Variants in ZNF653 observed in about 807,000 individuals in gnomAD.
ZNF653 encodes the protein zinc finger protein 653, also known as 67 kDa zinc finger protein.
In ZNF653, 37 loss-of-function variants were observed where a neutral mutation model predicts 59.9. That is an observed-to-expected ratio of 0.62 (90% CI 0.48 to 0.81). ZNF653 has a LOEUF of 0.81. Ranked by LOEUF, ZNF653 falls within the 40% of genes least tolerant of loss-of-function variation. The pLI, the probability that ZNF653 is intolerant of heterozygous loss-of-function variation, is 0.00. For missense variants in ZNF653, 808 were observed against 881.1 expected (o/e 0.92, Z 1.05); for synonymous variants, 435 against 371.8 (o/e 1.17, Z -1.96).
rs1468265979 is a variant in ZNF653, at chr19:11,486,823, G to A, written c.1401C>T (p.Phe467=). ...VMDADGLLEM[F]HCPYEGCSQV... is the part of the protein sequence containing the mutation. ...GGCTGCAGCCCTCGTATGGGCAGTG[G>A]AACATCTCGAGCAGGCCGTCAGCAT... Residue 467 remains phenylalanine, a synonymous_variant, in exon 6 of 9, where the codon TTC becomes TTT. Coordinates refer to ENST00000293771, the MANE Select transcript of ZNF653 (RefSeq NM_138783.4). 2 of 1,612,220 alleles carry A rather than the reference G, an allele frequency of 1.2e-6. No homozygotes were observed. The highest frequency in any genetic ancestry group is 1.1e-5 in the South Asian group (1 of 90,742).
intron 3 of ZNF653, among the ~76,000 whole-genome samples, chr19:11,492,077 T>C (rs1011999686): frequency 1.3e-5 from 2 of 152,004 alleles, no homozygotes; most frequent in African/African-American, 4.8e-5. Context: ...AGATGGAGTT[T>C]TGCTCGTTAC....
intron 3 of ZNF653, among the ~76,000 whole-genome samples, chr19:11,490,116 T>C (rs1328971022): frequency 6.6e-6 from 1 of 152,226 alleles, no homozygotes; most frequent in Non-Finnish European, 1.5e-5. Context: ...CAATGGGCTC[T>C]AAATGGGGGG....
chr19:11,487,575 C>A lies in ZNF653; in HGVS notation c.888G>T (p.Val296=), dbSNP rs569042530. The part of the protein sequence containing the change: ...GAGPSALFEN[V]PQEALGEVVA... ...CCACCTCACCCAGGGCCTCCTGGGGCACGTTCTCAAAGAGGGCGCTGGGGC... is the reference window on the plus strand; with the variant it reads ...CCACCTCACCCAGGGCCTCCTGGGGAACGTTCTCAAAGAGGGCGCTGGGGC... The change falls in exon 4 of 9, where the codon GTG becomes GTT. Residue 296 remains valine (V), a synonymous_variant. Coordinates refer to ENST00000293771, the MANE Select transcript of ZNF653 (RefSeq NM_138783.4). The surrounding 1 kb of genome is among the most constrained non-coding windows in gnomAD (Gnocchi z 5.1). The A allele has an allele frequency of 6.2e-7, 1 of 1,613,960 alleles. No homozygotes were observed. Among genetic ancestry groups the A allele is most frequent in the African/African-American group, 1.3e-5 (1 of 75,074 alleles).
chr19:11,501,879 C>A (rs1971648811), intron 1 of ZNF653, among the ~76,000 whole-genome samples: 1 of 152,152 alleles, frequency 6.6e-6, no homozygotes. Flanking sequence ...ACTGCAAACT[C>A]TGCCTCCTGG....
chr19:11,485,309 T>G (rs145789531), intron 7 of ZNF653, among the ~76,000 whole-genome samples: 1 of 152,100 alleles, frequency 6.6e-6, no homozygotes, highest in African/African-American at 2.4e-5. Context: ...TGGTCTAGCC[T>G]GTGGCCCCAG....
intron 1 of ZNF653, among the ~76,000 whole-genome samples, chr19:11,501,828 T>A (rs1019950235): frequency 4.6e-5 from 7 of 152,110 alleles, no homozygotes; most frequent in African/African-American, 1.7e-4. Context: ...AGAGCCTCGC[T>A]CTGTTGCCCA....
intron 3 of ZNF653, among the ~76,000 whole-genome samples, chr19:11,491,023 A>G (rs1230445416): frequency 6.6e-6 from 1 of 152,108 alleles, no homozygotes; most frequent in African/African-American, 2.4e-5. Flanking sequence ...CATCCAAAAT[A>G]CATCCACCCG....
At chr19:11,494,963 C>T (rs1307241176) in intron 3 of ZNF653, among the ~76,000 whole-genome samples, 1 of 152,176 alleles carries the variant, frequency 6.6e-6, no homozygotes, top group Non-Finnish European at 1.5e-5. Context: ...ATGGGGCAGC[C>T]GAGAGGCCAC....
At chr19:11,494,029 T>A (rs1008989886) in intron 3 of ZNF653, among the ~76,000 whole-genome samples, 2 of 142,334 alleles carry the variant, frequency 1.4e-5, no homozygotes, top group African/African-American at 5.3e-5. Context: ...AAAAAATAAA[T>A]AAAAATAAAA....
At chr19:11,498,456 C>CCT in intron 1 of ZNF653, 117 bp from the exon 2 acceptor site, 4 of 1,397,988 alleles carry the variant, frequency 2.9e-6, no homozygotes, top group Non-Finnish European at 3.0e-6. Context: ...TAAATCTGAA[C>CCT]TTTTTGAGAT....
chr19:11,484,432 G>A (rs1024733992), intron 7 of ZNF653, among the ~76,000 whole-genome samples: 7 of 151,946 alleles, frequency 4.6e-5, no homozygotes, highest in African/African-American at 1.2e-4. Context: ...ACGGAGTTTC[G>A]CTCTTGTTGC....
In ZNF653 at chr19:11,487,232, C is replaced by T. The variant is rs894602475; in HGVS notation, c.1171+60G>A. On this transcript the variant is annotated intron_variant, in intron 4 of 8. Transcript: ENST00000293771. This position sits in a 1 kb window ranked among gnomAD's most constrained non-coding sequence, Gnocchi z 5.1. ...GGTGCCCACTTCGAGGGCCATTCCT[C>T]GCCCGGCCCCTCCCAGGCCCAACCA... 6.3e-5 allele frequency: 101 copies of T among 1,598,062 alleles called. No homozygotes were observed. Among genetic ancestry groups the T allele is most frequent in the East Asian group, 8.9e-5 (4 of 44,722 alleles).
intron 8 of ZNF653, 51 bp downstream of exon 8, chr19:11,483,991 G>A (rs1488535980): frequency 6.5e-7 from 1 of 1,539,860 alleles, no homozygotes; most frequent in South Asian, 1.2e-5. Flanking sequence ...GGACCTGCTG[G>A]GATCCCCTCC....
rs73512759 is a variant in ZNF653, at chr19:11,484,499, G to A, written c.1571-358C>T. On this transcript the variant is annotated intron_variant, in intron 7 of 8. Coordinates refer to ENST00000293771, the MANE Select transcript of ZNF653 (RefSeq NM_138783.4). ...TTACCGCAACCACAACCTTGGTCTC[G>A]CGGGTTCAAGCGATTCTTCTGCCTC... Among the ~76,000 whole-genome samples, 10 of 152,034 alleles carry A rather than the reference G, an allele frequency of 6.6e-5. 1 individual carries two copies. Among genetic ancestry groups the A allele is most frequent in the South Asian group, 4.1e-4 (2 of 4,826 alleles).
chr19:11,498,348 G>C lies in ZNF653; in HGVS notation c.300-9C>G. ...CCTGCTCCCAAGGCTTCCTGCAACA[G>C]AAAGAGGCAGAGAGGGTGAACGGGG... On this transcript the variant is annotated splice_polypyrimidine_tract_variant and intron_variant, in intron 1 of 8. Coordinates refer to ENST00000293771, the MANE Select transcript of ZNF653 (RefSeq NM_138783.4). 1 of 1,614,060 alleles carries C rather than the reference G, an allele frequency of 6.2e-7. No homozygotes were observed. The highest frequency in any genetic ancestry group is 1.1e-5 in the South Asian group (1 of 91,080).
intron 6 of ZNF653, among the ~76,000 whole-genome samples, chr19:11,486,274 G>GATA (rs1230389637): frequency 6.6e-6 from 1 of 152,142 alleles, no homozygotes; most frequent in Non-Finnish European, 1.5e-5. Flanking sequence ...CAGCTTTATT[G>GATA]AACACCTACT....
Position 11,487,027 on chromosome 19 carries a change from TGTC to T in ZNF653, c.1300_1302del (p.Asp434del). 1 of 1,614,124 alleles carries T rather than the reference TGTC, an allele frequency of 6.2e-7. No homozygotes were observed. The highest frequency in any genetic ancestry group is 8.5e-7 in the Non-Finnish European group (1 of 1,179,982). ...GGGATTTCATAGATGATGGCTGACA[TGTC>T]GCTGCCGTCCAGCTCCTCCCCGTCC... On this transcript the variant is annotated inframe_deletion, in exon 5 of 9. Coordinates refer to ENST00000293771, the MANE Select transcript of ZNF653 (RefSeq NM_138783.4). The surrounding 1 kb of genome is among the most constrained non-coding windows in gnomAD (Gnocchi z 5.1).
intron 7 of ZNF653, among the ~76,000 whole-genome samples, chr19:11,484,380 G>C (rs1364310971): frequency 6.6e-6 from 1 of 151,976 alleles, no homozygotes; most frequent in African/African-American, 2.4e-5. Context: ...AGCCAACATG[G>C]GTCTGAATTT....
Position 11,487,844 on chromosome 19 carries a change from A to T in ZNF653, c.619T>A (p.Ser207Thr). 6.2e-7 allele frequency: 1 copy of T among 1,610,610 alleles called. No individual in the cohort carries two copies. Among genetic ancestry groups the T allele is most frequent in the Non-Finnish European group, 8.5e-7 (1 of 1,178,332 alleles). The change falls in exon 4 of 9, where the codon TCT becomes ACT. Residue 207 changes from serine (S) to threonine (T), a missense_variant. Coordinates refer to ENST00000293771, the MANE Select transcript of ZNF653 (RefSeq NM_138783.4). The surrounding 1 kb of genome is among the most constrained non-coding windows in gnomAD (Gnocchi z 5.1). ...DSSSSGSASD[S>T]EESPEGQPVK... is the part of the protein sequence containing the mutation. The stretch of plus-strand genomic sequence containing the variant: ...GGCTGGCCCTCAGGAGACTCCTCAG[A>T]GTCAGAGGCAGAGCCAGAGCTGGAT...
Sources: allele counts gnomAD v4.1 joint callset (sites outside exome capture counted in the v4.1 genomes callset), GRCh38; gene constraint gnomAD v4.1.1; non-coding constraint Gnocchi (gnomAD v3.1); transcripts MANE v1.5; gene names NCBI Gene and HGNC (gene_info 2026-07-23, HGNC 2026-07-21).